Variants in KCTD18 observed in about 807,000 individuals in gnomAD.
KCTD18 encodes the protein BTB/POZ domain-containing protein KCTD18.
Under a neutral mutation model 30.4 loss-of-function variants are expected in KCTD18, and 22 were observed. The ratio of observed to expected loss-of-function variants is 0.72; its 90% CI spans 0.52 to 1.03. The LOEUF is 1.03. Ranked by LOEUF, KCTD18 falls within the 50% of genes least tolerant of loss-of-function variation. The pLI is 0.00. For synonymous variants in KCTD18, 186 were observed against 209.0 expected, an observed-to-expected ratio of 0.89 and a Z score of 0.95; for missense variants, 529 against 547.6, an observed-to-expected ratio of 0.97 and a Z score of 0.34.
At chr2:200,506,794 A>C (rs986854142) in intron 2 of KCTD18, 63 bp downstream of exon 2, 8 of 1,490,350 alleles carry the variant, frequency 5.4e-6, no homozygotes, top group African/African-American at 2.8e-5. Context: ...TAAGAAAATC[A>C]AAGGGAACTT....
intron 1 of KCTD18, 110 bp downstream of exon 1, chr2:200,509,518 G>C (rs57495233): frequency 0.042 from 6,346 of 152,500 alleles, 447 homozygotes; most frequent in African/African-American, 0.14. Context: ...CCACACCAGG[G>C]GGGCACTCCG....
Position 200,489,214 on chromosome 2 carries a change from TTC to T in KCTD18, c.*884_*885del, listed in dbSNP as rs965331695. The T allele has an allele frequency of 2.6e-5, 4 of 152,730 alleles. No individual in the cohort carries two copies. Among genetic ancestry groups the T allele is most frequent in the South Asian group, 2.1e-4 (1 of 4,828 alleles). The allele number at this position is 152,730 out of a possible 1,614,324, so 9.5% of individuals were successfully genotyped here. A position where few individuals can be genotyped will look rare whatever the true frequency, so the allele number is the denominator to read the frequency against. ...AAAAAATAGAGGATTAGTCAAAATA[TTC>T]TGTTTAAAAATATTAAATTCAAGTT... On this transcript the variant is annotated 3_prime_UTR_variant, in exon 7 of 7. Coordinates refer to ENST00000359878, the MANE Select transcript of KCTD18 (RefSeq NM_152387.4).
At position 200,504,767 on chromosome 2, in the gene KCTD18, G is replaced by A; in HGVS notation, c.353C>T (p.Ser118Leu). ...ANEMETYSLR[S>L]NIELKKALTD... is the part of the protein sequence containing the mutation. ...CAAGACCTTTTTAAGTTCTATATTTGACCTTAAAGAATATGTCTCCATTTC... is the reference window on the plus strand; with the variant it reads ...CAAGACCTTTTTAAGTTCTATATTTAACCTTAAAGAATATGTCTCCATTTC... Residue 118 changes from serine (S) to leucine (L), a missense_variant, in exon 3 of 7, where the codon TCA (serine) becomes TTA (leucine). By Grantham distance (145) the Ser-to-Leu change is moderately radical. Coordinates refer to ENST00000359878, the MANE Select transcript of KCTD18 (RefSeq NM_152387.4). 1 of 1,613,438 alleles carries A rather than the reference G, an allele frequency of 6.2e-7. No individual in the cohort carries two copies.
intron 1 of KCTD18, among the ~76,000 whole-genome samples, chr2:200,509,184 G>A (rs2030376354): frequency 6.6e-6 from 1 of 152,134 alleles, no homozygotes; most frequent in African/African-American, 2.4e-5. Context: ...CCTGTTGACA[G>A]ATGAGGCCAT....
chr2:200,493,425 C>G, intron 5 of KCTD18, 151 bp from the exon 6 acceptor site: 1 of 605,038 alleles, frequency 1.7e-6, no homozygotes, highest in Non-Finnish European at 3.0e-6. Context: ...AGCGCTCACA[C>G]GAGGAGCTAG....
chr2:200,508,873 A>C (rs775689680), intron 1 of KCTD18, among the ~76,000 whole-genome samples: 24 of 152,278 alleles, frequency 1.6e-4, no homozygotes, highest in Non-Finnish European at 3.2e-4. Flanking sequence ...GCTCCCTGGA[A>C]TCCTATCTAT....
intron 3 of KCTD18, among the ~76,000 whole-genome samples, chr2:200,500,257 C>CCT (rs1231614770): frequency 6.8e-6 from 1 of 148,132 alleles, no homozygotes; most frequent in East Asian, 2.0e-4. Flanking sequence ...TCCTATTCAA[C>CCT]ATAGTGTTGG....
intron 5 of KCTD18, chr2:200,496,917 C>T (rs2106279219): frequency 6.6e-6 from 1 of 152,550 alleles, no homozygotes; most frequent in South Asian, 2.1e-4. Context: ...ATCCTCCTGC[C>T]TCAGCCTCCC....
intron 1 of KCTD18, among the ~76,000 whole-genome samples, chr2:200,508,172 G>T (rs67993838): frequency 6.6e-6 from 1 of 152,046 alleles, no homozygotes; most frequent in African/African-American, 2.4e-5. Flanking sequence ...GCGCCATCTC[G>T]GCTCACTCCC....
intron 4 of KCTD18, 95 bp downstream of exon 4, chr2:200,498,796 G>T: frequency 9.3e-7 from 1 of 1,077,348 alleles, no homozygotes; most frequent in South Asian, 1.3e-5. Context: ...AGGTGTTAAT[G>T]GTCTTTTCTA....
rs775867498 is a variant in KCTD18, at chr2:200,490,145, ACGGGCAGCTTCGC to A, written c.1223_1235del (p.Gly408ValfsTer39). On this transcript the variant is annotated frameshift_variant, in exon 7 of 7. Transcript: ENST00000359878. LOFTEE classifies it low-confidence loss of function (END_TRUNC). The stretch of plus-strand genomic sequence containing the variant: ...CGTTCTCAGTCCGCACTCCCAAGGC[ACGGGCAGCTTCGC>A]CGGGAAGCGGCTTGAGGGAGTTGGC... 1 of 1,607,150 alleles carries A rather than the reference ACGGGCAGCTTCGC, an allele frequency of 6.2e-7. No homozygotes were observed. Among genetic ancestry groups the A allele is most frequent in the Non-Finnish European group, 8.5e-7 (1 of 1,174,492 alleles).
At position 200,490,250 on chromosome 2, in the gene KCTD18, T is replaced by C. The variant is rs746227530; in HGVS notation, c.1131A>G (p.Ile377Met). Residue 377 changes from isoleucine (I) to methionine (M), a missense_variant, in exon 7 of 7, where the codon ATA becomes ATG. Transcript: ENST00000359878. ...SDKKPTPQRV[I>M]KLKRTPLCAT... ...CGCACAGCGGAGTCCTCTTCAGCTT[T>C]ATCACCCGCTGGGGTGTAGGCTTCT... 1 of 1,614,238 alleles carries C rather than the reference T, an allele frequency of 6.2e-7. No individual in the cohort carries two copies. Among genetic ancestry groups the C allele is most frequent in the South Asian group, 1.1e-5 (1 of 91,088 alleles).
Position 200,490,633 on chromosome 2 carries a change from G to A in KCTD18, c.765-17C>T, listed in dbSNP as rs200312807. 1.9e-5 allele frequency: 29 copies of A among 1,559,570 alleles called. No homozygotes were observed. The highest frequency in any genetic ancestry group is 1.1e-4 in the African/African-American group (8 of 73,580). On this transcript the variant is annotated splice_polypyrimidine_tract_variant and intron_variant, in intron 6 of 6. Coordinates refer to ENST00000359878, the MANE Select transcript of KCTD18 (RefSeq NM_152387.4). ...ATCAGTCGCCTAGAAATACAGAAGC[G>A]TGTCATTTTCCACATGTATAGTTTT...
intron 4 of KCTD18, 57 bp from the exon 5 acceptor site, chr2:200,497,904 A>G (rs2088021018): frequency 8.8e-7 from 1 of 1,139,354 alleles, no homozygotes; most frequent in Non-Finnish European, 1.3e-6. Context: ...ATGTGCATAT[A>G]TACATACAGC....
Position 200,490,511 on chromosome 2 carries a change from C to A in KCTD18, c.870G>T (p.Lys290Asn), listed in dbSNP as rs2087898536. ...GAGACACCGTGACTGAGGCCGAGTT[C>A]TTGACTTTAATTTGGGTACTTGTGG... ...GPSTSTQIKVKNSASVTVSPA... is the reference protein window; with the variant it reads ...GPSTSTQIKVNNSASVTVSPA... The change falls in exon 7 of 7, where the codon AAG becomes AAT. Residue 290 changes from lysine (K) to asparagine (N), a missense_variant. Transcript: ENST00000359878. 6.2e-7 allele frequency: 1 copy of A among 1,608,500 alleles called. No homozygotes were observed. Among genetic ancestry groups the A allele is most frequent in the Admixed American group, 1.7e-5 (1 of 60,026 alleles).
intron 1 of KCTD18, among the ~76,000 whole-genome samples, chr2:200,508,086 T>C (rs2030297556): frequency 6.6e-6 from 1 of 152,124 alleles, no homozygotes; most frequent in Non-Finnish European, 1.5e-5. Context: ...AGGGAAGTTT[T>C]GGGGGGTTTT....
intron 3 of KCTD18, among the ~76,000 whole-genome samples, chr2:200,503,433 T>C (rs968088158): frequency 1.3e-5 from 2 of 152,224 alleles, no homozygotes; most frequent in Admixed American, 1.3e-4. Flanking sequence ...CGCAGCCCCT[T>C]GTACAGTGCC....
intron 6 of KCTD18, among the ~76,000 whole-genome samples, chr2:200,491,620 C>T (rs1404983362): frequency 6.6e-6 from 1 of 152,132 alleles, no homozygotes; most frequent in Non-Finnish European, 1.5e-5. Flanking sequence ...ATGGACAAAC[C>T]TTCAAAGATT....
chr2:200,507,212 G>A, intron 1 of KCTD18, 121 bp from the exon 2 acceptor site: 1 of 404,588 alleles, frequency 2.5e-6, no homozygotes, highest in Non-Finnish European at 4.3e-6. Flanking sequence ...TTGAATTGAA[G>A]GATTTTATAT....
Sources: gnomAD v4.1 joint callset for allele counts (sites outside exome capture counted in the v4.1 genomes callset) on GRCh38, gnomAD v4.1.1 for gene constraint, MANE v1.5 for transcripts, NCBI Gene and HGNC (gene_info 2026-07-23, HGNC 2026-07-21) for gene names.